The following S100Z variants were observed in gnomAD, a reference collection of about 807,000 sequenced individuals.
S100Z encodes the protein protein S100-Z.
A neutral mutation model predicts 8.5 loss-of-function variants in S100Z; 11 were observed. The observed-to-expected ratio is 1.30, with a 90% CI of 0.82 to 2.15. The LOEUF (loss-of-function observed/expected upper bound fraction) is 2.15, where lower values mean the gene tolerates loss of function less well. Ranked by LOEUF, S100Z falls within the 30% of genes most tolerant of loss-of-function variation. The pLI, the probability that S100Z is intolerant of heterozygous loss-of-function variation, is 0.00. For synonymous variants in S100Z, 34 were observed against 43.8 expected (o/e 0.78, Z 0.89); for missense variants, 126 against 117.9 (o/e 1.07, Z -0.32).
At chr5:76,860,017 G>A (rs747455417) in intron 1 of S100Z, among the ~76,000 whole-genome samples, 10 of 152,296 alleles carry the variant, frequency 6.6e-5, no homozygotes, top group Admixed American at 1.3e-4. Flanking sequence ...GATTCAACCA[G>A]CTTGGCAGAA....
At chr5:76,943,428 G>A in the S100Z span, among the ~76,000 whole-genome samples, 1 of 152,198 alleles carries the variant, frequency 6.6e-6, no homozygotes, top group African/African-American at 2.4e-5. Context: ...AAGAGAATTA[G>A]CCTCTACCTT....
At chr5:76,867,701 C>A (rs1742818228) in intron 1 of S100Z, among the ~76,000 whole-genome samples, 1 of 151,592 alleles carries the variant, frequency 6.6e-6, no homozygotes, top group African/African-American at 2.4e-5. Context: ...CCTGCCTCAG[C>A]CTCTCGAGTA....
At chr5:76,902,491 G>A (rs1744262659) in intron 4 of S100Z, among the ~76,000 whole-genome samples, 1 of 152,188 alleles carries the variant, frequency 6.6e-6, no homozygotes, top group Non-Finnish European at 1.5e-5. Flanking sequence ...GCCAGGGGTG[G>A]GGCAGGGGTG....
intron 4 of S100Z, among the ~76,000 whole-genome samples, chr5:76,885,501 C>T (rs1274655902): frequency 5.5e-5 from 4 of 73,074 alleles, no homozygotes; most frequent in African/African-American, 1.7e-4. Context: ...AAAGTAGGAA[C>T]GGGTTGGGAG....
the S100Z span, among the ~76,000 whole-genome samples, chr5:76,936,282 CAT>C: frequency 6.6e-6 from 1 of 151,806 alleles, no homozygotes; most frequent in South Asian, 2.1e-4. Context: ...ATGAAGAAAT[CAT>C]ATTGCATCTC....
intron 1 of S100Z, among the ~76,000 whole-genome samples, chr5:76,855,414 G>T (rs1243942407): frequency 2.6e-5 from 4 of 152,234 alleles, no homozygotes; most frequent in Admixed American, 6.5e-5. Context: ...AGGCCAAGCT[G>T]CCCAAGGCCT....
At chr5:76,856,495 C>T (rs13187905) in intron 1 of S100Z, among the ~76,000 whole-genome samples, 67,398 of 152,092 alleles carry the variant, frequency 0.44, 15,358 homozygotes, top group South Asian at 0.66. Context: ...CCACCAAACC[C>T]GGCCTAACCT....
chr5:76,907,385 G>A (rs1744493799), intron 4 of S100Z, among the ~76,000 whole-genome samples: 1 of 151,910 alleles, frequency 6.6e-6, no homozygotes, highest in Non-Finnish European at 1.5e-5. Context: ...CTCACTGCAA[G>A]CTCTGCCTCC....
the S100Z span, among the ~76,000 whole-genome samples, chr5:76,931,895 C>T: frequency 6.6e-6 from 1 of 151,906 alleles, no homozygotes; most frequent in Non-Finnish European, 1.5e-5. Context: ...ATAGGAGAGA[C>T]AGAGGAACAT....
chr5:76,942,058 GT>G, the S100Z span, among the ~76,000 whole-genome samples: 1 of 151,886 alleles, frequency 6.6e-6, no homozygotes, highest in Non-Finnish European at 1.5e-5. Context: ...GTTCTGGTGA[GT>G]TTTATACCAT....
At position 76,906,976 on chromosome 5, in the gene S100Z, GTATATATATATATATATATATATATATA is replaced by G. The variant is rs869046562; in HGVS notation, c.*3-13720_*3-13693del. On this transcript the variant is annotated intron_variant, in intron 4 of 4. Coordinates refer to ENST00000317593, the MANE Select transcript of S100Z (RefSeq NM_130772.4). The stretch of plus-strand genomic sequence containing the variant: ...CTGAATAGTATTCCATTGTGTGTGT[GTATATATATATATATATATATATATATA>G]TATATATATATATATATATACATAT... Among the ~76,000 whole-genome samples the G allele has an allele frequency of 7.7e-3, 168 of 21,788 alleles. 5 individuals are homozygous for G. The highest frequency in any genetic ancestry group is 0.071 in the East Asian group (121 of 1,714). The allele number at this position is 21,788 out of a possible 152,430, so 14.3% of individuals were successfully genotyped here.
the S100Z span, among the ~76,000 whole-genome samples, chr5:76,949,058 A>G: frequency 2.0e-5 from 3 of 152,218 alleles, no homozygotes; most frequent in Admixed American, 6.5e-5. Context: ...ATGTTTACCT[A>G]TGTGACAAAC....
intron 4 of S100Z, among the ~76,000 whole-genome samples, chr5:76,890,828 TG>T (rs2150660599): frequency 6.6e-6 from 1 of 152,294 alleles, no homozygotes; most frequent in South Asian, 2.1e-4. Context: ...CTCCATATTA[TG>T]GGAAGCCATT....
At position 76,856,634 on chromosome 5, in the gene S100Z, C is replaced by T. The variant is rs115999160; in HGVS notation, c.-176+6479C>T. Among the ~76,000 whole-genome samples the T allele has an allele frequency of 2.7e-3, 416 of 152,156 alleles. 1 individual carries two copies. The highest frequency in any genetic ancestry group is 9.2e-3 in the African/African-American group (382 of 41,504). The stretch of plus-strand genomic sequence containing the variant: ...AAATTCAAGTCCAAAGAAAGAGAAC[C>T]GGAAGCCACAAACAATTTAATTTTT... On this transcript the variant is annotated intron_variant, in intron 1 of 4. Transcript: ENST00000317593.
intron 4 of S100Z, among the ~76,000 whole-genome samples, chr5:76,917,488 G>A (rs1344266259): frequency 1.3e-5 from 2 of 152,146 alleles, no homozygotes; most frequent in African/African-American, 4.8e-5. Flanking sequence ...AGAGACTGAA[G>A]TAGCCATTCA....
intron 4 of S100Z, among the ~76,000 whole-genome samples, chr5:76,911,264 A>T (rs1744647046): frequency 6.6e-6 from 1 of 152,180 alleles, no homozygotes. Flanking sequence ...TCCCTGCAAC[A>T]CCCCAATTCT....
rs541266255 is a variant in S100Z at position 76,905,523 on chromosome 5, C to T, written c.*3-15194C>T. On this transcript the variant is annotated intron_variant, in intron 4 of 4. Transcript: ENST00000317593. The stretch of plus-strand genomic sequence containing the variant: ...CACCTCCTGGGTTTGCACCATTCTT[C>T]TGCCTCAGCCTCCTGAGTAGCTGGG... Among the ~76,000 whole-genome samples the T allele has an allele frequency of 2.9e-4, 44 of 152,250 alleles. No homozygotes were observed. In the South Asian group the frequency reaches 9.1e-3, roughly 32 times the overall value.
the S100Z span, among the ~76,000 whole-genome samples, chr5:76,948,366 A>G: frequency 2.5e-5 from 3 of 120,316 alleles, no homozygotes; most frequent in Non-Finnish European, 5.4e-5. Flanking sequence ...CTGCACAGCA[A>G]AGGAAATGAT....
chr5:76,880,705 G>C (rs149545368), intron 4 of S100Z, among the ~76,000 whole-genome samples: 7,190 of 152,244 alleles, frequency 0.047, 563 homozygotes, highest in African/African-American at 0.16. Flanking sequence ...ATTACAGAGT[G>C]TCCAAGGGAG....
Sources: gnomAD v4.1 joint callset for allele counts (sites outside exome capture counted in the v4.1 genomes callset) on GRCh38, gnomAD v4.1.1 for gene constraint, MANE v1.5 for transcripts, NCBI Gene and HGNC (gene_info 2026-07-23, HGNC 2026-07-21) for gene names.